Variants in SESTD1 observed in about 807,000 individuals in gnomAD.
SESTD1 encodes the protein SEC14 and spectrin domain containing 1.
Under a neutral mutation model 101.7 loss-of-function variants are expected in SESTD1, and 43 were observed. That is an observed-to-expected ratio of 0.42 (90% CI 0.33 to 0.55). The LOEUF (loss-of-function observed/expected upper bound fraction) is 0.55, where lower values mean the gene tolerates loss of function less well. Ranked by LOEUF, SESTD1 falls within the 20% of genes least tolerant of loss-of-function variation. SESTD1 has a pLI of 0.07. For missense variants in SESTD1, 647 were observed against 815.1 expected, an observed-to-expected ratio of 0.79 and a Z score of 2.51; for synonymous variants, 283 against 286.8, an observed-to-expected ratio of 0.99 and a Z score of 0.13.
At position 179,109,554 on chromosome 2, in the gene SESTD1, T is replaced by C; in HGVS notation, c.*345A>G. 2.5e-6 allele frequency: 1 copy of C among 396,294 alleles called. No homozygotes were observed. Among genetic ancestry groups the C allele is most frequent in the Non-Finnish European group, 4.5e-6 (1 of 224,646 alleles). The allele number at this position is 396,294 out of a possible 1,614,324, so 24.5% of individuals were successfully genotyped here. On this transcript the variant is annotated 3_prime_UTR_variant, in exon 18 of 18. Transcript: ENST00000428443. ...CTGTGGAGGAAGGGCAACTTTTTTT[T>C]TTCTTTTTAATAGAGAGAATTCCTA...
At chr2:179,229,050 T>C (rs576993081) in intron 1 of SESTD1, among the ~76,000 whole-genome samples, 27 of 152,204 alleles carry the variant, frequency 1.8e-4, no homozygotes, top group Admixed American at 5.9e-4. Context: ...GGAAGGGATT[T>C]AAAAGTGCAG....
At chr2:179,152,662 C>T (rs1390459042) in intron 5 of SESTD1, among the ~76,000 whole-genome samples, 1 of 151,946 alleles carries the variant, frequency 6.6e-6, no homozygotes, top group Non-Finnish European at 1.5e-5. Context: ...ACTGCTTTGC[C>T]GGAAGAGGGA....
rs2044334628 is a variant in SESTD1, at chr2:179,104,321, T to A, written c.*5578A>T. 6.6e-6 allele frequency: 1 copy of A among 152,172 alleles called. No individual in the cohort carries two copies. Among genetic ancestry groups the A allele is most frequent in the African/African-American group, 2.4e-5 (1 of 41,446 alleles). The allele number at this position is 152,172 out of a possible 1,614,324, so 9.4% of individuals were successfully genotyped here. On this transcript the variant is annotated 3_prime_UTR_variant, in exon 18 of 18. Coordinates refer to ENST00000428443, the MANE Select transcript of SESTD1 (RefSeq NM_178123.5). ...ATACAATACATATATTTTGATGATA[T>A]ATTCTGAGCAAATCTGTTGGCCATA... is the stretch of plus-strand genomic sequence containing the variant.
intron 5 of SESTD1, among the ~76,000 whole-genome samples, chr2:179,161,365 C>A (rs2045733092): frequency 6.6e-6 from 1 of 152,032 alleles, no homozygotes. Flanking sequence ...ATAAAGTTAC[C>A]TTTCATGTTG....
In SESTD1 at chr2:179,143,619, T is replaced by A; in HGVS notation, c.822A>T (p.Leu274Phe). Residue 274 changes from leucine to phenylalanine, a missense_variant, in exon 9 of 18, where the codon TTA becomes TTT. Leu to Phe is a conservative substitution (Grantham distance 22). This residue lies in a region of SESTD1 where 476 missense variants were observed against 562.6 expected (regional missense o/e 0.85). Coordinates refer to ENST00000428443, the MANE Select transcript of SESTD1 (RefSeq NM_178123.5). ...GCATTACCTTCTGTTGAATCTCTTC[T>A]AACTGTGTGCGCTTGCTACGTTGCC... ...VCRQRSKRTQ[L>F]EEIQQKVMQV... is the part of the protein sequence containing the mutation. 1 of 1,613,982 alleles carries A rather than the reference T, an allele frequency of 6.2e-7. No homozygotes were observed. The highest frequency in any genetic ancestry group is 8.5e-7 in the Non-Finnish European group (1 of 1,179,898).
intron 1 of SESTD1, among the ~76,000 whole-genome samples, chr2:179,222,858 C>G (rs960716091): frequency 2.0e-5 from 3 of 152,108 alleles, no homozygotes; most frequent in Non-Finnish European, 2.9e-5. Context: ...CTGTCCAGTG[C>G]TTCTCTCCAC....
chr2:179,203,708 T>A (rs2046552866), intron 1 of SESTD1, among the ~76,000 whole-genome samples: 1 of 134,260 alleles, frequency 7.4e-6, no homozygotes, highest in Admixed American at 7.3e-5. Context: ...TGCAGCCAAG[T>A]CAGACAGAAG....
At chr2:179,118,613 C>T (rs987935419) in intron 13 of SESTD1, among the ~76,000 whole-genome samples, 2 of 151,872 alleles carry the variant, frequency 1.3e-5, no homozygotes, top group Non-Finnish European at 2.9e-5. Context: ...TAAAATTCAA[C>T]TTGGTTAAAG....
In SESTD1 at chr2:179,213,316, A is replaced by T. The variant is rs544089626; in HGVS notation, c.-25-21450T>A. On this transcript the variant is annotated intron_variant, in intron 1 of 17. Transcript: ENST00000428443. The stretch of plus-strand genomic sequence containing the variant: ...GAGAAGACCTTAAGTGACCTGATGG[A>T]GCTGAAAACCATGGCACAAGAACTT... 1.3e-4 allele frequency among the ~76,000 whole-genome samples: 18 copies of T among 135,248 alleles called. 5 individuals carry two copies. Among genetic ancestry groups the T allele is most frequent in the Non-Finnish European group, 1.6e-4 (10 of 62,914 alleles). 88.7% of individuals were successfully genotyped at this position (135,248 alleles called of 152,430 possible).
rs2047532249 is a variant in SESTD1 at position 179,264,543 on chromosome 2, G to A, written c.-70C>T. 6.6e-6 allele frequency: 1 copy of A among 151,214 alleles called. No homozygotes were observed. The highest frequency in any genetic ancestry group is 1.9e-4 in the East Asian group (1 of 5,148). The allele number at this position is 151,214 out of a possible 1,614,324, so 9.4% of individuals were successfully genotyped here. ...GCGGCCGGCGGCTCCGGGGCGTTGG[G>A]GAAGACAGGGGAACGCTAGCGAGGT... On this transcript the variant is annotated 5_prime_UTR_variant, in exon 1 of 18. Transcript: ENST00000428443.
intron 5 of SESTD1, among the ~76,000 whole-genome samples, chr2:179,164,389 T>C (rs898284905): frequency 2.0e-5 from 3 of 152,154 alleles, no homozygotes; most frequent in Admixed American, 1.3e-4. Context: ...AACAACACTT[T>C]AATGAGTGAC....
chr2:179,179,088 C>T lies in SESTD1; in HGVS notation c.165-2550G>A, dbSNP rs76585708. On this transcript the variant is annotated intron_variant, in intron 3 of 17. Transcript: ENST00000428443. ...GATAACTATTTCAAAATTGCCAGAC[C>T]AAGTGGTCTTTCAGGTACTTGAAAG... Among the ~76,000 whole-genome samples, 643 of 152,182 alleles carry T rather than the reference C, an allele frequency of 4.2e-3. 2 individuals are homozygous for T. Among genetic ancestry groups the T allele is most frequent in the African/African-American group, 0.014 (595 of 41,526 alleles).
At chr2:179,224,423 G>A (rs1011255373) in intron 1 of SESTD1, among the ~76,000 whole-genome samples, 1 of 152,160 alleles carries the variant, frequency 6.6e-6, no homozygotes, top group Non-Finnish European at 1.5e-5. Flanking sequence ...ATACAATATT[G>A]TGACATAAGA....
Position 179,108,695 on chromosome 2 carries a change from TA to T in SESTD1, c.*1203del, listed in dbSNP as rs2044442116. On this transcript the variant is annotated 3_prime_UTR_variant, in exon 18 of 18. Transcript: ENST00000428443. ...TATAATTTTGTAATGACTACAAGAC[TA>T]AAAAATAATTTTTAATATTTTAAAA... 1 of 151,974 alleles carries T rather than the reference TA, an allele frequency of 6.6e-6. No individual in the cohort carries two copies. The highest frequency in any genetic ancestry group is 1.5e-5 in the Non-Finnish European group (1 of 67,982). 9.4% of individuals were successfully genotyped at this position (151,974 alleles called of 1,614,324 possible).
At chr2:179,251,584 C>G (rs961238316) in intron 1 of SESTD1, among the ~76,000 whole-genome samples, 3 of 152,116 alleles carry the variant, frequency 2.0e-5, no homozygotes, top group African/African-American at 7.2e-5. Context: ...CAGCATGATC[C>G]TGCACAAGAG....
chr2:179,172,727 A>C (rs1374528585), intron 4 of SESTD1, among the ~76,000 whole-genome samples: 3 of 152,204 alleles, frequency 2.0e-5, no homozygotes, highest in Non-Finnish European at 4.4e-5. Context: ...ACAAAAAGCT[A>C]ATCTTTGACG....
At chr2:179,255,936 A>G (rs890059496) in intron 1 of SESTD1, among the ~76,000 whole-genome samples, 4 of 152,232 alleles carry the variant, frequency 2.6e-5, no homozygotes, top group Non-Finnish European at 5.9e-5. Context: ...TATAAATGGA[A>G]TAACAAAGCC....
At chr2:179,170,396 T>G (rs2045911174) in intron 5 of SESTD1, among the ~76,000 whole-genome samples, 1 of 152,122 alleles carries the variant, frequency 6.6e-6, no homozygotes, top group African/African-American at 2.4e-5. Context: ...AAGACCTTAT[T>G]TTTTTTAAAA....
intron 13 of SESTD1, 141 bp downstream of exon 13, chr2:179,121,626 AATT>A (rs2044752793): frequency 1.9e-6 from 1 of 534,898 alleles, no homozygotes; most frequent in South Asian, 4.6e-5. Context: ...TATATACAGT[AATT>A]ATCACATTCA....
Sources: allele counts gnomAD v4.1 joint callset (sites outside exome capture counted in the v4.1 genomes callset), GRCh38; gene constraint gnomAD v4.1.1; regional missense constraint gnomAD v4.1.1; transcripts MANE v1.5; gene names NCBI Gene and HGNC (gene_info 2026-07-23, HGNC 2026-07-21).